Variants in COMMD1 observed in about 807,000 individuals in gnomAD.
COMMD1 encodes the protein COMM domain-containing protein 1.
COMMD1 carries 10 observed loss-of-function variants against 17.2 expected under a neutral mutation model. The ratio of observed to expected loss-of-function variants is 0.58; its 90% CI spans 0.36 to 0.99. The LOEUF (loss-of-function observed/expected upper bound fraction) is 0.99, where lower values mean the gene tolerates loss of function less well. Ranked by LOEUF, COMMD1 falls within the 50% of genes least tolerant of loss-of-function variation. The pLI is 0.01. For missense variants in COMMD1, 270 were observed against 231.8 expected (o/e 1.17, Z -1.07); for synonymous variants, 97 against 91.6 (o/e 1.06, Z -0.34).
chr2:62,043,392 T>A (rs571554866), intron 2 of COMMD1, among the ~76,000 whole-genome samples: 17 of 152,326 alleles, frequency 1.1e-4, no homozygotes, highest in African/African-American at 2.6e-4. Context: ...TGGGAGTCAT[T>A]TTTCAGTCTC....
intron 2 of COMMD1, among the ~76,000 whole-genome samples, chr2:62,074,492 A>G (rs1182564720): frequency 1.3e-5 from 2 of 152,198 alleles, no homozygotes; most frequent in Admixed American, 6.5e-5. Context: ...CACTTGGGAA[A>G]TTCCAAGGTT....
At chr2:61,971,919 G>C (rs771184798) in intron 1 of COMMD1, among the ~76,000 whole-genome samples, 2 of 152,050 alleles carry the variant, frequency 1.3e-5, no homozygotes, top group African/African-American at 4.8e-5. Context: ...CCAGGAGTTC[G>C]AGACCAGCCT....
intron 1 of COMMD1, among the ~76,000 whole-genome samples, chr2:61,912,839 T>C (rs902930038): frequency 6.6e-6 from 1 of 152,148 alleles, no homozygotes; most frequent in African/African-American, 2.4e-5. Context: ...TGAATGGCTG[T>C]GATAGAGGTC....
At chr2:62,093,833 C>T (rs796699527) in intron 2 of COMMD1, among the ~76,000 whole-genome samples, 1 of 152,144 alleles carries the variant, frequency 6.6e-6, no homozygotes, top group African/African-American at 2.4e-5. Context: ...CATAGCATGC[C>T]AAAATCATGG....
intron 2 of COMMD1, among the ~76,000 whole-genome samples, chr2:62,123,513 A>T (rs114452077): frequency 0.021 from 2,972 of 143,716 alleles, 130 homozygotes; most frequent in African/African-American, 0.077. Context: ...AAAAAAAATT[A>T]AAAAAAAAGA....
intron 2 of COMMD1, among the ~76,000 whole-genome samples, chr2:62,109,815 A>G (rs1242155219): frequency 6.6e-6 from 1 of 151,558 alleles, no homozygotes; most frequent in Non-Finnish European, 1.5e-5. Context: ...GTCAGCCTCT[A>G]TCTGTAATTT....
intron 2 of COMMD1, among the ~76,000 whole-genome samples, chr2:62,033,586 A>T (rs192392994): frequency 7.1e-4 from 106 of 149,724 alleles, no homozygotes; most frequent in African/African-American, 2.3e-3. Flanking sequence ...CTGTAAAATT[A>T]AAAAAAAAAT....
At chr2:62,004,597 C>T (rs971332566) in intron 2 of COMMD1, among the ~76,000 whole-genome samples, 13 of 152,076 alleles carry the variant, frequency 8.5e-5, no homozygotes, top group Admixed American at 1.3e-4. Flanking sequence ...CCACCGCGCC[C>T]GGCCTATAAA....
chr2:62,011,449 A>G (rs1422313862), intron 2 of COMMD1, among the ~76,000 whole-genome samples: 1 of 151,230 alleles, frequency 6.6e-6, no homozygotes, highest in Non-Finnish European at 1.5e-5. Flanking sequence ...CTAGCATGCT[A>G]TTTTACTTAT....
chr2:62,051,450 A>G (rs1331078974), intron 2 of COMMD1, among the ~76,000 whole-genome samples: 4 of 152,194 alleles, frequency 2.6e-5, no homozygotes, highest in Non-Finnish European at 4.4e-5. Context: ...ATTTTTTCAT[A>G]TATGCATCTT....
chr2:62,000,894 G>A lies in COMMD1; in HGVS notation c.374G>A (p.Arg125Lys). 1 of 1,614,154 alleles carries A rather than the reference G, an allele frequency of 6.2e-7. No individual in the cohort carries two copies. ...WNSGLRGLSW[R>K]VDGKSQSRHS... ...AGCGGGCTTCGGGGCCTGAGCTGGA[G>A]AGTTGATGGCAAGTCTCAGTCAAGG... Residue 125 changes from arginine to lysine, a missense_variant, in exon 2 of 3, where the codon AGA becomes AAA. Coordinates refer to ENST00000311832, the MANE Select transcript of COMMD1 (RefSeq NM_152516.4).
chr2:62,121,510 G>C (rs1309658432), intron 2 of COMMD1, among the ~76,000 whole-genome samples: 1 of 151,266 alleles, frequency 6.6e-6, no homozygotes, highest in African/African-American at 2.4e-5. Context: ...GGCCAAGGTG[G>C]GTGGATCACT....
rs972239825 is a variant in COMMD1, at chr2:62,019,148, C to T, written c.462+18166C>T. On this transcript the variant is annotated intron_variant, in intron 2 of 2. Transcript: ENST00000311832. ...CCCTCCCTCCCTTCCTTCCTTCCTT[C>T]CTTCCTTCTCTTTCCTCCTTTCTCT... Among the ~76,000 whole-genome samples, 4 of 128,074 alleles carry T rather than the reference C, an allele frequency of 3.1e-5. No individual in the cohort carries two copies. The Admixed American group carries it at 3.4e-4, about 11-fold the overall frequency. 84.0% of individuals were successfully genotyped at this position (128,074 alleles called of 152,430 possible).
chr2:62,120,867 C>T (rs1672722843), intron 2 of COMMD1, among the ~76,000 whole-genome samples: 1 of 152,132 alleles, frequency 6.6e-6, no homozygotes, highest in East Asian at 1.9e-4. Flanking sequence ...GGACTACAGG[C>T]ATGTGCCACC....
chr2:61,896,473 C>T (rs903726846), intron 1 of COMMD1, among the ~76,000 whole-genome samples: 9 of 152,072 alleles, frequency 5.9e-5, no homozygotes, highest in East Asian at 3.9e-4. Context: ...CCTAGCTACT[C>T]GAGAGGCTGA....
At chr2:62,081,253 A>AT (rs34994117) in intron 2 of COMMD1, among the ~76,000 whole-genome samples, 22,678 of 141,554 alleles carry the variant, frequency 0.16, 1,924 homozygotes, top group East Asian at 0.21. Context: ...CTCAATCTAG[A>AT]TTTTTTTTTT....
intron 2 of COMMD1, among the ~76,000 whole-genome samples, chr2:62,020,737 C>G (rs1220458604): frequency 6.6e-6 from 1 of 152,232 alleles, no homozygotes; most frequent in Non-Finnish European, 1.5e-5. Flanking sequence ...TGGTGGCTCA[C>G]GCTTGTAATC....
intron 1 of COMMD1, among the ~76,000 whole-genome samples, chr2:61,964,507 C>A (rs1365450796): frequency 6.6e-6 from 1 of 152,132 alleles, no homozygotes; most frequent in African/African-American, 2.4e-5. Flanking sequence ...AGGCACTACA[C>A]CCTGGTCTTA....
intron 1 of COMMD1, among the ~76,000 whole-genome samples, chr2:61,979,557 G>C (rs1671899439): frequency 1.3e-5 from 2 of 152,024 alleles, no homozygotes; most frequent in Non-Finnish European, 2.9e-5. Flanking sequence ...AACAAAATCA[G>C]GATATCGAAG....
Sources: gnomAD v4.1 joint callset for allele counts (sites outside exome capture counted in the v4.1 genomes callset) on GRCh38, gnomAD v4.1.1 for gene constraint, MANE v1.5 for transcripts, NCBI Gene and HGNC (gene_info 2026-07-23, HGNC 2026-07-21) for gene names.